The following COX6B1 variants were observed in gnomAD, a reference collection of about 807,000 sequenced individuals.
COX6B1 encodes the protein cytochrome c oxidase subunit 6B1.
Under a neutral mutation model 14.0 loss-of-function variants are expected in COX6B1, and 2 were observed. The ratio of observed to expected loss-of-function variants is 0.14; its 90% CI spans 0.06 to 0.45. The LOEUF (loss-of-function observed/expected upper bound fraction) is 0.45, where lower values mean the gene tolerates loss of function less well. Ranked by LOEUF, COX6B1 falls within the 20% of genes least tolerant of loss-of-function variation. The pLI is 0.98. For synonymous variants in COX6B1, 30 were observed against 39.7 expected (o/e 0.76, Z 0.92); for missense variants, 81 against 114.2 (o/e 0.71, Z 1.33).
intron 2 of COX6B1, among the ~76,000 whole-genome samples, chr19:35,653,206 C>T (rs1468398677): frequency 1.3e-4 from 20 of 151,132 alleles, no homozygotes; most frequent in Non-Finnish European, 2.9e-5. Context: ...AACTCCTGAC[C>T]TCGTGATCCA....
intron 2 of COX6B1, 62 bp from the exon 3 acceptor site, chr19:35,654,507 CAA>C (rs377609041): frequency 0.015 from 18,179 of 1,253,576 alleles, no homozygotes; most frequent in Non-Finnish European, 0.016. Flanking sequence ...GACCCTACCT[CAA>C]AAAAAAAAAA....
intron 1 of COX6B1, among the ~76,000 whole-genome samples, 170 bp from the exon 2 acceptor site, chr19:35,651,063 C>T (rs969051542): frequency 7.2e-5 from 11 of 152,184 alleles, no homozygotes; most frequent in African/African-American, 2.7e-4. Context: ...GACCTCGACA[C>T]TCAGATGTGT....
intron 2 of COX6B1, among the ~76,000 whole-genome samples, chr19:35,653,380 C>T (rs1967851433): frequency 6.6e-6 from 1 of 151,158 alleles, no homozygotes; most frequent in African/African-American, 2.4e-5. Flanking sequence ...TTAAGCAATT[C>T]TCCTGCCTCA....
At chr19:35,655,621 TAA>T (rs58512153) in intron 3 of COX6B1, among the ~76,000 whole-genome samples, 8 of 146,134 alleles carry the variant, frequency 5.5e-5, no homozygotes, top group African/African-American at 7.5e-5. Context: ...GCCCTTTGTT[TAA>T]AAAAAAAAAA....
At chr19:35,656,119 C>T (rs1033791884) in intron 3 of COX6B1, among the ~76,000 whole-genome samples, 4 of 152,110 alleles carry the variant, frequency 2.6e-5, no homozygotes, top group Admixed American at 1.3e-4. Flanking sequence ...CATGAGCTAC[C>T]GCACCCAGCT....
chr19:35,658,545 A>G, intron 3 of COX6B1, 49 bp from the exon 4 acceptor site: 1 of 1,539,510 alleles, frequency 6.5e-7, no homozygotes, highest in Non-Finnish European at 9.0e-7. Flanking sequence ...TAAGAAGTCC[A>G]TCCGTTCAGT....
intron 2 of COX6B1, among the ~76,000 whole-genome samples, chr19:35,653,131 C>T (rs1353385856): frequency 2.0e-5 from 3 of 151,450 alleles, no homozygotes; most frequent in African/African-American, 7.3e-5. Flanking sequence ...CCATGCCTGG[C>T]TAATTTTTTT....
intron 3 of COX6B1, among the ~76,000 whole-genome samples, chr19:35,656,248 T>C (rs570589553): frequency 2.6e-5 from 4 of 152,356 alleles, no homozygotes; most frequent in African/African-American, 9.6e-5. Flanking sequence ...GGAGAATATT[T>C]GGAAATAACC....
chr19:35,657,167 A>G (rs965562311), intron 3 of COX6B1, among the ~76,000 whole-genome samples: 33 of 152,052 alleles, frequency 2.2e-4, no homozygotes, highest in African/African-American at 6.8e-4. Flanking sequence ...ACCATACTAT[A>G]GAATCAGTGG....
chr19:35,657,349 C>G (rs1456729199), intron 3 of COX6B1, among the ~76,000 whole-genome samples: 1 of 151,994 alleles, frequency 6.6e-6, no homozygotes, highest in Non-Finnish European at 1.5e-5. Context: ...TGCCGCTGAT[C>G]TGACAGGAGG....
chr19:35,649,570 T>C (rs139933242), intron 1 of COX6B1, among the ~76,000 whole-genome samples: 4,771 of 150,846 alleles, frequency 0.032, 262 homozygotes, highest in African/African-American at 0.11. Context: ...CCTCCGCCTC[T>C]TGGGTTCAAG....
rs776141575 is a variant in COX6B1 at position 35,658,653 on chromosome 19, C to T, written c.*6C>T. 6.2e-7 allele frequency: 1 copy of T among 1,613,526 alleles called. No individual in the cohort carries two copies. The highest frequency in any genetic ancestry group is 1.1e-5 in the South Asian group (1 of 91,066). ...CGTTTCCCGGGAAGATCTGAACTGG[C>T]TGCATCTCCCTTTCCTCTGTCCTCC... On this transcript the variant is annotated 3_prime_UTR_variant, in exon 4 of 4. Coordinates refer to ENST00000649813, the MANE Select transcript of COX6B1 (RefSeq NM_001863.5).
chr19:35,658,117 G>A (rs555891595), intron 3 of COX6B1, among the ~76,000 whole-genome samples: 14 of 152,226 alleles, frequency 9.2e-5, no homozygotes, highest in African/African-American at 3.1e-4. Context: ...ACTGAGCATC[G>A]CCTGTGGTCA....
chr19:35,654,731 G>A, intron 3 of COX6B1, 60 bp downstream of exon 3: 5 of 1,495,668 alleles, frequency 3.3e-6, no homozygotes, highest in Non-Finnish European at 4.7e-6. Context: ...AGAGGGGAGT[G>A]TGGTGGCTTG....
chr19:35,652,343 T>G (rs962501907), intron 2 of COX6B1, among the ~76,000 whole-genome samples: 1 of 151,968 alleles, frequency 6.6e-6, no homozygotes, highest in Non-Finnish European at 1.5e-5. Context: ...CCCACCTTCT[T>G]TATGTCCTGT....
At chr19:35,657,570 ACTG>A (rs1967900134) in intron 3 of COX6B1, among the ~76,000 whole-genome samples, 1 of 151,740 alleles carries the variant, frequency 6.6e-6, no homozygotes, top group African/African-American at 2.4e-5. Flanking sequence ...TATGCTTGTA[ACTG>A]CTTGTGAGGT....
chr19:35,657,541 G>A (rs1057133970), intron 3 of COX6B1, among the ~76,000 whole-genome samples: 2 of 151,744 alleles, frequency 1.3e-5, no homozygotes, highest in African/African-American at 4.8e-5. Flanking sequence ...ATGTGAGCGT[G>A]TATGTATATA....
rs374221375 is a variant in COX6B1, at chr19:35,658,567, G to A, written c.208-27G>A. 200 of 1,608,450 alleles carry A rather than the reference G, an allele frequency of 1.2e-4. 1 individual carries two copies. The highest frequency in any genetic ancestry group is 9.5e-5 in the Non-Finnish European group (112 of 1,175,082). On this transcript the variant is annotated intron_variant, in intron 3 of 3. Coordinates refer to ENST00000649813, the MANE Select transcript of COX6B1 (RefSeq NM_001863.5). ...TCCATCCGTTCAGTTTCCCCACTGC[G>A]GAGGGAATAACACTGTCTTTCCACA...
chr19:35,649,259 C>G (rs1404319943), intron 1 of COX6B1, among the ~76,000 whole-genome samples: 3 of 152,074 alleles, frequency 2.0e-5, no homozygotes, highest in Admixed American at 2.0e-4. Flanking sequence ...AGGCAGCAAC[C>G]TCGGTAGTAC....
Sources: gnomAD v4.1 joint callset for allele counts (sites outside exome capture counted in the v4.1 genomes callset) on GRCh38, gnomAD v4.1.1 for gene constraint, MANE v1.5 for transcripts, NCBI Gene and HGNC (gene_info 2026-07-23, HGNC 2026-07-21) for gene names.